Variants in PLPP3 observed in about 807,000 individuals in gnomAD.
PLPP3 encodes the protein phospholipid phosphatase 3.
A neutral mutation model predicts 29.6 loss-of-function variants in PLPP3; 6 were observed. The observed-to-expected ratio is 0.20, with a 90% CI of 0.11 to 0.40. The LOEUF (loss-of-function observed/expected upper bound fraction) is 0.40. PLPP3 is among the 10% of genes least tolerant of loss of function. The pLI, the probability that PLPP3 is intolerant of heterozygous loss-of-function variation, is 1.00. For synonymous variants in PLPP3, 152 were observed against 159.7 expected (o/e 0.95, Z 0.36); for missense variants, 308 against 407.7 (o/e 0.76, Z 2.11).
chr1:56,503,747 A>C (rs1398968753), intron 5 of PLPP3, among the ~76,000 whole-genome samples: 2 of 152,114 alleles, frequency 1.3e-5, no homozygotes, highest in East Asian at 3.9e-4. Context: ...ATATGTGAAA[A>C]CACTTTGTAG....
At chr1:56,526,201 T>C (rs1645851665) in intron 2 of PLPP3, among the ~76,000 whole-genome samples, 2 of 152,118 alleles carry the variant, frequency 1.3e-5, no homozygotes, top group African/African-American at 4.8e-5. Flanking sequence ...AGACTATCAG[T>C]TGAAGGAACA....
At chr1:56,573,208 G>A (rs565360630) in intron 1 of PLPP3, among the ~76,000 whole-genome samples, 1 of 152,078 alleles carries the variant, frequency 6.6e-6, no homozygotes, top group Non-Finnish European at 1.5e-5. Flanking sequence ...CATAGAGTTC[G>A]GTTTACAACC....
chr1:56,567,759 A>G (rs1373651376), intron 1 of PLPP3, among the ~76,000 whole-genome samples: 1 of 152,160 alleles, frequency 6.6e-6, no homozygotes, highest in African/African-American at 2.4e-5. Flanking sequence ...AGTTCCTCAA[A>G]AAGGTAAACA....
At chr1:56,525,422 AGAG>A (rs1421268476) in intron 2 of PLPP3, among the ~76,000 whole-genome samples, 1 of 152,226 alleles carries the variant, frequency 6.6e-6, no homozygotes, top group Admixed American at 6.5e-5. Context: ...TATGATGCTT[AGAG>A]GAGATTTATC....
intron 1 of PLPP3, chr1:56,538,381 G>A: frequency 3.2e-6 from 1 of 316,498 alleles, no homozygotes; most frequent in South Asian, 3.0e-5. Flanking sequence ...ACAAATCTTG[G>A]AACTAGGGAA....
At chr1:56,526,905 C>T (rs1012786440) in intron 2 of PLPP3, among the ~76,000 whole-genome samples, 1 of 152,202 alleles carries the variant, frequency 6.6e-6, no homozygotes, top group Non-Finnish European at 1.5e-5. Context: ...CCTCAGATTG[C>T]TCTCTGGTTC....
Position 56,501,694 on chromosome 1 carries a change from A to T in PLPP3, c.811-5018T>A, listed in dbSNP as rs1052507139. On this transcript the variant is annotated intron_variant, in intron 5 of 5. Transcript: ENST00000371250. ...CAATGTAGCCCCTTCCTTCAAGAGC[A>T]TGAGTACACACAAACAAGACAACTC... 6.6e-5 allele frequency among the ~76,000 whole-genome samples: 10 copies of T among 152,314 alleles called. No homozygotes were observed. The South Asian group carries it at 1.7e-3, about 25-fold the overall frequency.
chr1:56,565,338 C>T (rs1646154548), intron 1 of PLPP3, among the ~76,000 whole-genome samples: 2 of 151,868 alleles, frequency 1.3e-5, no homozygotes, highest in South Asian at 2.1e-4. Context: ...GACAGTAGCT[C>T]GAGCCTAAGG....
At chr1:56,557,009 A>G (rs1246134035) in intron 1 of PLPP3, among the ~76,000 whole-genome samples, 678 of 7,040 alleles carry the variant, frequency 0.096, 58 homozygotes, top group Non-Finnish European at 0.13. Flanking sequence ...AAAGAAAGAA[A>G]GAGAGAGAGA....
intron 1 of PLPP3, among the ~76,000 whole-genome samples, chr1:56,570,017 G>A (rs1275317543): frequency 6.6e-6 from 1 of 152,178 alleles, no homozygotes; most frequent in East Asian, 1.9e-4. Flanking sequence ...CACTTATATA[G>A]TGTTTGTCAT....
At chr1:56,506,341 C>A (rs1389868934) in intron 5 of PLPP3, among the ~76,000 whole-genome samples, 1 of 152,194 alleles carries the variant, frequency 6.6e-6, no homozygotes, top group African/African-American at 2.4e-5. Flanking sequence ...CATCGCTGAA[C>A]TCTTCTTCAC....
intron 1 of PLPP3, among the ~76,000 whole-genome samples, chr1:56,557,019 A>AAAGAAG (rs1553139330): frequency 2.1e-4 from 3 of 14,376 alleles, no homozygotes; most frequent in African/African-American, 3.9e-4. Context: ...AGAGAGAGAG[A>AAAGAAG]GAGAGAAAGA....
At chr1:56,551,590 G>A (rs866139795) in intron 1 of PLPP3, among the ~76,000 whole-genome samples, 13 of 152,146 alleles carry the variant, frequency 8.5e-5, no homozygotes, top group Admixed American at 2.0e-4. Flanking sequence ...CTGGGAATGG[G>A]ACAGGATCCA....
chr1:56,536,870 G>GTAGAA (rs1161559886), intron 2 of PLPP3, 85 bp downstream of exon 2: 44 of 1,535,338 alleles, frequency 2.9e-5, no homozygotes, highest in Admixed American at 2.3e-4. Context: ...CTTGGTATAA[G>GTAGAA]TCTCTGTTGG....
At chr1:56,547,691 A>ACC (rs774888126) in intron 1 of PLPP3, among the ~76,000 whole-genome samples, 82 of 152,202 alleles carry the variant, frequency 5.4e-4, no homozygotes, top group Non-Finnish European at 9.1e-4. Flanking sequence ...GCCATGCCCC[A>ACC]CCCTGCCCAG....
intron 1 of PLPP3, among the ~76,000 whole-genome samples, chr1:56,557,008 A>AAGAAAGAAAGAAAGAAAGAAAG (rs1553139323): frequency 2.2e-4 from 3 of 13,748 alleles, no homozygotes; most frequent in East Asian, 1.4e-3. Context: ...GAAAGAAAGA[A>AAGAAAGAAAGAAAGAAAGAAAG]AGAGAGAGAG....
chr1:56,513,668 T>C (rs1246184021), intron 4 of PLPP3: 2 of 152,200 alleles, frequency 1.3e-5, no homozygotes, highest in East Asian at 1.9e-4. Context: ...CAGACTACTT[T>C]ATAATCATTT....
chr1:56,563,874 C>T (rs922393800), intron 1 of PLPP3, among the ~76,000 whole-genome samples: 3 of 152,188 alleles, frequency 2.0e-5, no homozygotes, highest in African/African-American at 7.2e-5. Flanking sequence ...AAAGTTCATG[C>T]CTCTCTCTTC....
intron 1 of PLPP3, among the ~76,000 whole-genome samples, chr1:56,563,016 T>C (rs1646140823): frequency 6.6e-6 from 1 of 152,214 alleles, no homozygotes; most frequent in South Asian, 2.1e-4. Flanking sequence ...TTGTGGGTGT[T>C]TCCTATTCAT....
Sources: gnomAD v4.1 joint callset for allele counts (sites outside exome capture counted in the v4.1 genomes callset) on GRCh38, gnomAD v4.1.1 for gene constraint, MANE v1.5 for transcripts, NCBI Gene and HGNC (gene_info 2026-07-23, HGNC 2026-07-21) for gene names.